Variants in CHL1 observed in about 807,000 individuals in gnomAD.
The protein encoded by CHL1 is cell adhesion molecule L1 like, also known as neural cell adhesion molecule L1-like protein.
A neutral mutation model predicts 141.9 loss-of-function variants in CHL1; 96 were observed. The ratio of observed to expected loss-of-function variants is 0.68; its 90% CI spans 0.57 to 0.80. The LOEUF is 0.80. Among genes scored for constraint, CHL1 ranks in the 30% least tolerant of loss-of-function variants. CHL1 has a pLI of 0.00. For missense variants in CHL1, 1,820 were observed against 1,457.2 expected (o/e 1.25, Z -4.05); for synonymous variants, 613 against 502.2 (o/e 1.22, Z -2.95).
At chr3:377,248 A>ACT (rs779239523) in intron 15 of CHL1, among the ~76,000 whole-genome samples, 1 of 152,236 alleles carries the variant, frequency 6.6e-6, no homozygotes, top group Non-Finnish European at 1.5e-5. Context: ...GAAGTACTAC[A>ACT]CTGCCATCTT....
At chr3:282,982 TG>T (rs919305630) in intron 2 of CHL1, among the ~76,000 whole-genome samples, 1 of 152,226 alleles carries the variant, frequency 6.6e-6, no homozygotes, top group Non-Finnish European at 1.5e-5. Flanking sequence ...GCCCTGCTTT[TG>T]GGGCATCTGG....
chr3:323,807 G>A (rs1028947439), intron 3 of CHL1, among the ~76,000 whole-genome samples: 3 of 152,118 alleles, frequency 2.0e-5, no homozygotes, highest in African/African-American at 7.2e-5. Flanking sequence ...CTAGGCTGCA[G>A]TGAGCAATGA....
chr3:364,361 C>T (rs184692945), intron 14 of CHL1, among the ~76,000 whole-genome samples: 2 of 152,166 alleles, frequency 1.3e-5, no homozygotes, highest in African/African-American at 4.8e-5. Flanking sequence ...AAGATGCCCT[C>T]ATGAAGTCAC....
At position 217,335 on chromosome 3, in the gene CHL1, A is replaced by G. The variant is rs561385392; in HGVS notation, c.-175+20272A>G. 7.3e-4 allele frequency among the ~76,000 whole-genome samples: 111 copies of G among 152,214 alleles called. 1 individual carries two copies. The highest frequency in any genetic ancestry group is 2.6e-3 in the African/African-American group (107 of 41,552). ...CATTGGTTCATTTATTCATGCATCA[A>G]ATATTTATTGAGCTGCGAACAAATC... On this transcript the variant is annotated intron_variant, in intron 1 of 27. Transcript: ENST00000256509.
At chr3:274,379 A>T (rs1695903392) in intron 2 of CHL1, among the ~76,000 whole-genome samples, 1 of 152,212 alleles carries the variant, frequency 6.6e-6, no homozygotes, top group Non-Finnish European at 1.5e-5. Flanking sequence ...TTTTAATAGG[A>T]ATGTGTTTGC....
intron 1 of CHL1, among the ~76,000 whole-genome samples, chr3:201,633 A>G (rs1005461868): frequency 1.3e-5 from 2 of 152,198 alleles, no homozygotes; most frequent in African/African-American, 4.8e-5. Flanking sequence ...AGTTTGGTAC[A>G]TTTAGGGTGG....
chr3:252,402 T>TATATATATA (rs1553596197), intron 2 of CHL1, among the ~76,000 whole-genome samples: 1 of 54,188 alleles, frequency 1.8e-5, no homozygotes, highest in African/African-American at 6.5e-5. Flanking sequence ...ATATATATAT[T>TATATATATA]TCTATTTTGG....
At chr3:268,399 G>A (rs1009961600) in intron 2 of CHL1, among the ~76,000 whole-genome samples, 1 of 152,192 alleles carries the variant, frequency 6.6e-6, no homozygotes, top group African/African-American at 2.4e-5. Context: ...CCCAGGCACA[G>A]TGGTGGGCAC....
intron 25 of CHL1, among the ~76,000 whole-genome samples, 165 bp from the exon 26 acceptor site, chr3:398,852 G>C (rs1708887859): frequency 6.6e-6 from 1 of 152,066 alleles, no homozygotes; most frequent in Admixed American, 6.5e-5. Context: ...AGATTTACCA[G>C]TATTCTCCCA....
chr3:261,133 T>G (rs1241716495), intron 2 of CHL1, among the ~76,000 whole-genome samples: 1 of 152,158 alleles, frequency 6.6e-6, no homozygotes, highest in Non-Finnish European at 1.5e-5. Flanking sequence ...CCTTGATCAT[T>G]GCACAAAAAG....
At chr3:197,749 G>C in intron 1 of CHL1, 3 of 455,266 alleles carry the variant, frequency 6.6e-6, no homozygotes, top group South Asian at 4.7e-5. Context: ...CCAGACCGCC[G>C]AGGGGCGAGA....
chr3:216,208 G>C (rs756572490), intron 1 of CHL1, among the ~76,000 whole-genome samples: 5 of 152,206 alleles, frequency 3.3e-5, no homozygotes, highest in Non-Finnish European at 7.3e-5. Context: ...TTAAATTGAA[G>C]TGCTATGGGG....
intron 2 of CHL1, among the ~76,000 whole-genome samples, chr3:271,757 G>T (rs1477204693): frequency 2.6e-5 from 4 of 152,200 alleles, no homozygotes; most frequent in East Asian, 1.9e-4. Flanking sequence ...ACCACAGAGA[G>T]AGGAAGGGGA....
chr3:404,699 T>C (rs1445501550), intron 27 of CHL1, among the ~76,000 whole-genome samples: 1 of 152,168 alleles, frequency 6.6e-6, no homozygotes, highest in African/African-American at 2.4e-5. Context: ...AAAAGAACAT[T>C]TTATCAGGAT....
At chr3:271,486 A>G (rs1243393662) in intron 2 of CHL1, among the ~76,000 whole-genome samples, 2 of 152,246 alleles carry the variant, frequency 1.3e-5, no homozygotes, top group Admixed American at 1.3e-4. Context: ...GACAGTGTCT[A>G]ATATATAGTA....
intron 3 of CHL1, among the ~76,000 whole-genome samples, chr3:322,142 C>T (rs946958523): frequency 6.6e-6 from 1 of 151,970 alleles, no homozygotes; most frequent in Non-Finnish European, 1.5e-5. Context: ...TCCTGCTCTA[C>T]ACAGAAATAG....
intron 5 of CHL1, chr3:328,569 T>C (rs746871232): frequency 7.5e-6 from 3 of 400,644 alleles, no homozygotes; most frequent in Non-Finnish European, 1.3e-5. Flanking sequence ...TCAGTAACCT[T>C]ATATCTAACA....
At position 399,047 on chromosome 3, in the gene CHL1, C is replaced by G. The variant is rs775427894; in HGVS notation, c.3284C>G (p.Thr1095Ser). The change falls in exon 26 of 28, where the codon ACT becomes AGT. Residue 1095 changes from threonine (T) to serine (S), a missense_variant. Physicochemically the swap from Thr to Ser is moderately conservative, Grantham distance 58. Coordinates refer to ENST00000256509, the MANE Select transcript of CHL1 (RefSeq NM_006614.4). ...EYAGLYDDISTQGWFIGLMCA... is the reference protein window; with the variant it reads ...EYAGLYDDISSQGWFIGLMCA... ...GCTGGTTTATATGATGACATCTCCA[C>G]TCAAGGCTGGTTTATTGGACTGATG... 1 of 1,612,848 alleles carries G rather than the reference C, an allele frequency of 6.2e-7. No individual in the cohort carries two copies. The highest frequency in any genetic ancestry group is 1.7e-5 in the Admixed American group (1 of 60,028).
intron 1 of CHL1, among the ~76,000 whole-genome samples, chr3:233,419 C>T (rs998693769): frequency 2.6e-5 from 4 of 152,136 alleles, no homozygotes; most frequent in Admixed American, 2.6e-4. Context: ...TAAACTGGGT[C>T]ACTTACCTAA....
Sources: allele counts gnomAD v4.1 joint callset (sites outside exome capture counted in the v4.1 genomes callset), GRCh38; gene constraint gnomAD v4.1.1; transcripts MANE v1.5; gene names NCBI Gene and HGNC (gene_info 2026-07-23, HGNC 2026-07-21).